The following MACF1 variants were observed in gnomAD, a reference collection of about 807,000 sequenced individuals.
MACF1 encodes microtubule-actin cross-linking factor 1.
A neutral mutation model predicts 854.8 loss-of-function variants in MACF1; 193 were observed. That is an observed-to-expected ratio of 0.23 (90% confidence interval 0.20 to 0.25). The LOEUF is 0.25. Ranked by LOEUF, MACF1 falls within the 10% of genes least tolerant of loss-of-function variation. MACF1 has a pLI of 1.00. For synonymous variants in MACF1, 3,185 were observed against 3,226.7 expected, an observed-to-expected ratio of 0.99 and a Z score of 0.44; for missense variants, 7,722 against 8,929.1, an observed-to-expected ratio of 0.86 and a Z score of 5.45.
intron 51 of MACF1, among the ~76,000 whole-genome samples, chr1:39,371,993 A>G (rs1380418903): frequency 1.3e-5 from 2 of 149,674 alleles, no homozygotes; most frequent in Non-Finnish European, 3.0e-5. Flanking sequence ...TTTTTTTTGT[A>G]TTTTTAGTAG....
intron 58 of MACF1, chr1:39,414,145 G>A (rs762700418): frequency 9.1e-5 from 146 of 1,607,796 alleles, no homozygotes; most frequent in African/African-American, 1.8e-4. Flanking sequence ...AGAGGAGCCC[G>A]CCTCCCCAGC....
Position 39,319,686 on chromosome 1 carries a change from G to C in MACF1, c.3968G>C (p.Arg1323Thr), listed in dbSNP as rs139099001. 5 of 1,613,236 alleles carry C rather than the reference G, an allele frequency of 3.1e-6. No homozygotes were observed. The highest frequency in any genetic ancestry group is 1.3e-5 in the African/African-American group (1 of 74,880). The change falls in exon 31 of 101, where the codon AGA becomes ACA. Residue 1323 changes from arginine (R) to threonine (T), a missense_variant. Transcript: ENST00000564288. ...QQTALFAEIE[R>T]NQTKLDQCQK... ...TAGGCCCTATTTGCAGAAATTGAGA[G>C]AAATCAGACAAAACTGGATCAATGT...
chr1:39,299,308 T>C, intron 21 of MACF1: 1 of 456,204 alleles, frequency 2.2e-6, no homozygotes, highest in South Asian at 1.5e-5. Flanking sequence ...CTTAGTTCTT[T>C]AATGGCATTT....
At chr1:39,319,861 C>A in intron 31 of MACF1, 114 bp downstream of exon 31, 1 of 700,852 alleles carries the variant, frequency 1.4e-6, no homozygotes, top group Non-Finnish European at 2.3e-6. Context: ...ATGCTACAAG[C>A]TGGCCTGATC....
Position 39,378,540 on chromosome 1 carries a change from A to G in MACF1, c.13276+17A>G, listed in dbSNP as rs1649908775. On this transcript the variant is annotated intron_variant, in intron 53 of 100. Coordinates refer to ENST00000564288, the MANE Select transcript of MACF1 (RefSeq NM_001394062.1). The stretch of plus-strand genomic sequence containing the variant: ...CCTGCAAAGGTGAGAATGCCATTTC[A>G]ACAGTGCTTCTTTGTTGGATGTGTT... 1 of 1,611,750 alleles carries G rather than the reference A, an allele frequency of 6.2e-7. No individual in the cohort carries two copies. The highest frequency in any genetic ancestry group is 2.2e-5 in the East Asian group (1 of 44,878).
chr1:39,446,346 A>C (rs1644230930), intron 80 of MACF1, among the ~76,000 whole-genome samples: 1 of 151,790 alleles, frequency 6.6e-6, no homozygotes, highest in African/African-American at 2.4e-5. Flanking sequence ...GAATATGTGG[A>C]TAGAATGATG....
intron 6 of MACF1, among the ~76,000 whole-genome samples, chr1:39,262,810 C>G (rs1434421436): frequency 6.6e-6 from 1 of 152,134 alleles, no homozygotes; most frequent in African/African-American, 2.4e-5. Context: ...GGTGGGAGCA[C>G]CGCTCCCAGA....
chr1:39,209,786 T>C (rs1348897485), intron 1 of MACF1, among the ~76,000 whole-genome samples: 3 of 152,084 alleles, frequency 2.0e-5, no homozygotes, highest in Non-Finnish European at 4.4e-5. Context: ...AACTTCAGCA[T>C]AAGACTTATA....
chr1:39,451,323 C>G, intron 85 of MACF1, 112 bp downstream of exon 85: 3 of 1,077,590 alleles, frequency 2.8e-6, no homozygotes. Flanking sequence ...AGAAAGAGAG[C>G]CTGACAGTTG....
chr1:39,084,483 A>G lies in MACF1; in HGVS notation c.220+45A>G, dbSNP rs1193044550. 1.3e-6 allele frequency: 2 copies of G among 1,545,020 alleles called. No individual in the cohort carries two copies. The highest frequency in any genetic ancestry group is 1.8e-6 in the Non-Finnish European group (2 of 1,140,626). On this transcript the variant is annotated intron_variant, in intron 2 of 93. Coordinates refer to the MACF1 transcript ENST00000361689. The surrounding 1 kb of genome is among the most constrained non-coding windows in gnomAD (Gnocchi z 5.2). ...AGGCTGGACGCTGTGGGTGTGAGGG[A>G]GGAATGGGCCAGGGCACAGCAGCTG...
intron 2 of MACF1, among the ~76,000 whole-genome samples, chr1:39,175,169 T>C (rs760567410): frequency 2.6e-4 from 39 of 152,132 alleles, no homozygotes; most frequent in Non-Finnish European, 5.3e-4. Flanking sequence ...CTCATCTTCC[T>C]GCAGGAGGTT....
At position 39,244,375 on chromosome 1, in the gene MACF1, A is replaced by G. The variant is rs1644959099; in HGVS notation, c.172-5639A>G. 2.6e-5 allele frequency among the ~76,000 whole-genome samples: 4 copies of G among 151,984 alleles called. No homozygotes were observed. The South Asian group carries it at 8.3e-4, about 32-fold the overall frequency. Reference sequence around the variant, plus strand: ...CGGTTCACTGCAACTTCTGCCTCCGAGGTTCAAGTGATTTTCCTGCCTTAG... The same window carrying G: ...CGGTTCACTGCAACTTCTGCCTCCGGGGTTCAAGTGATTTTCCTGCCTTAG... On this transcript the variant is annotated intron_variant, in intron 2 of 100. Transcript: ENST00000564288.
In MACF1 at chr1:39,388,108, T is replaced by G; in HGVS notation, c.15266T>G (p.Leu5089Arg). ...CCAGATGGATCTGATGCTTCTCAAC[T>G]TCTCCACCAAGCTGAGGTCGCCCAG... ...DAPDGSDASQ[L>R]LHQAEVAQQE... Residue 5089 changes from leucine (L) to arginine (R), a missense_variant, in exon 58 of 101, where the codon CTT (leucine) becomes CGT (arginine). Coordinates refer to ENST00000564288, the MANE Select transcript of MACF1 (RefSeq NM_001394062.1). 6.2e-7 allele frequency: 1 copy of G among 1,614,114 alleles called. No individual in the cohort carries two copies. Among genetic ancestry groups the G allele is most frequent in the Non-Finnish European group, 8.5e-7 (1 of 1,180,018 alleles).
chr1:39,264,760 G>A lies in MACF1; in HGVS notation c.528+6732G>A, dbSNP rs182939637. 8.6e-3 allele frequency among the ~76,000 whole-genome samples: 1,252 copies of A among 144,906 alleles called. 9 individuals are homozygous for A. The highest frequency in any genetic ancestry group is 0.01 in the Non-Finnish European group (697 of 67,150). ...ACAATCTCGGCTCACTGCAAGCTCC[G>A]CTTCCCGGGTTCACGCCATTCTCCT... On this transcript the variant is annotated intron_variant, in intron 6 of 100. Coordinates refer to ENST00000564288, the MANE Select transcript of MACF1 (RefSeq NM_001394062.1).
chr1:39,368,003 GT>G lies in MACF1; in HGVS notation c.12772-137del, dbSNP rs3832005. On this transcript the variant is annotated intron_variant, in intron 49 of 100. Coordinates refer to ENST00000564288, the MANE Select transcript of MACF1 (RefSeq NM_001394062.1). ...AAAAAAAAAAAAAAAATGTTTGTTT[GT>G]TTTTTTTAAACTTTTCACTGAGTTG... 169,230 of 501,972 alleles carry G rather than the reference GT, an allele frequency of 0.34. 32,814 individuals carry two copies. Among genetic ancestry groups the G allele is most frequent in the African/African-American group, 0.66 (34,006 of 51,236 alleles). 31.1% of individuals were successfully genotyped at this position (501,972 alleles called of 1,614,324 possible).
intron 84 of MACF1, among the ~76,000 whole-genome samples, chr1:39,449,159 A>G (rs1644284779): frequency 6.6e-6 from 1 of 152,178 alleles, no homozygotes; most frequent in African/African-American, 2.4e-5. Context: ...ATATGTACCA[A>G]ACAGTAGCTG....
At chr1:39,278,223 G>A (rs1645474063) in intron 6 of MACF1, among the ~76,000 whole-genome samples, 2 of 152,314 alleles carry the variant, frequency 1.3e-5, no homozygotes, top group South Asian at 4.1e-4. Flanking sequence ...GCACAGTACT[G>A]TGCACACATA....
intron 97 of MACF1, among the ~76,000 whole-genome samples, chr1:39,475,408 A>G (rs1251588636): frequency 6.6e-6 from 1 of 150,870 alleles, no homozygotes; most frequent in Non-Finnish European, 1.5e-5. Flanking sequence ...GGTCAAGGCT[A>G]CAGTGAGCCA....
intron 58 of MACF1, among the ~76,000 whole-genome samples, chr1:39,400,714 CCCAGG>C (rs1642445894): frequency 6.6e-6 from 1 of 151,956 alleles, no homozygotes; most frequent in African/African-American, 2.4e-5. Context: ...TACCACGTTG[CCCAGG>C]CTAGTCTTGA....
Sources: allele counts gnomAD v4.1 joint callset (sites outside exome capture counted in the v4.1 genomes callset), GRCh38; gene constraint gnomAD v4.1.1; non-coding constraint Gnocchi (gnomAD v3.1); transcripts MANE v1.5; gene names NCBI Gene and HGNC (gene_info 2026-07-23, HGNC 2026-07-21).